HSH2D: variants seen among roughly 807,000 people sequenced by gnomAD.
HSH2D encodes the protein hematopoietic SH2 domain-containing protein.
HSH2D carries 16 observed loss-of-function variants against 21.5 expected under a neutral mutation model. The observed-to-expected ratio is 0.74, with a 90% CI of 0.50 to 1.13. The LOEUF (loss-of-function observed/expected upper bound fraction) is 1.13. Among genes scored for constraint, HSH2D ranks in the 50% most tolerant of loss-of-function variants. The probability of loss-of-function intolerance (pLI) is 0.00; values close to 1 mark genes in which losing one functional copy is unlikely to be tolerated. For missense variants in HSH2D, 418 were observed against 441.4 expected (o/e 0.95, Z 0.47); for synonymous variants, 172 against 184.7 (o/e 0.93, Z 0.56).
At chr19:16,136,739 G>A (rs2090966583) in intron 1 of HSH2D, among the ~76,000 whole-genome samples, 1 of 152,106 alleles carries the variant, frequency 6.6e-6, no homozygotes, top group South Asian at 2.1e-4. Flanking sequence ...GCACAGCTCA[G>A]GCAGAGGACC....
At chr19:16,145,205 ATT>A (rs886549937) in intron 1 of HSH2D, among the ~76,000 whole-genome samples, 3 of 149,366 alleles carry the variant, frequency 2.0e-5, no homozygotes, top group Non-Finnish European at 4.5e-5. Context: ...TAAGTTTTGT[ATT>A]TTTATTTCAT....
intron 2 of HSH2D, 106 bp from the exon 3 acceptor site, chr19:16,152,446 T>A: frequency 6.9e-6 from 4 of 583,206 alleles, no homozygotes; most frequent in South Asian, 1.0e-4. Flanking sequence ...AAAAGAAAAA[T>A]GAAAACTACC....
intron 5 of HSH2D, among the ~76,000 whole-genome samples, chr19:16,156,659 A>C (rs1467213302): frequency 6.6e-6 from 1 of 152,176 alleles, no homozygotes; most frequent in Non-Finnish European, 1.5e-5. Context: ...TACAGCCTGC[A>C]AAGTTGAAAT....
upstream of HSH2D, among the ~76,000 whole-genome samples, chr19:16,139,137 C>A (rs1002541947): frequency 6.6e-6 from 1 of 152,246 alleles, no homozygotes; most frequent in Non-Finnish European, 1.5e-5. Flanking sequence ...GGATTACAGG[C>A]ATAAGCCACA....
chr19:16,154,425 G>C lies in HSH2D; in HGVS notation c.408G>C (p.Glu136Asp). 6.4e-7 allele frequency: 1 copy of C among 1,551,738 alleles called. No individual in the cohort carries two copies. The highest frequency in any genetic ancestry group is 1.2e-5 in the South Asian group (1 of 84,064). ...AGGATCCCGCAAACGTGGATTACGA[G>C]GATCTCTTCCTCTACTCCAACGCAG... ...RQKDPANVDY[E>D]DLFLYSNAVA... Residue 136 changes from glutamate (E) to aspartate (D), a missense_variant, in exon 5 of 6, where the codon GAG (glutamate) becomes GAC (aspartate). Glu to Asp is a conservative substitution (Grantham distance 45, BLOSUM62 2). Coordinates refer to ENST00000613986, the MANE Select transcript of HSH2D (RefSeq NM_001382417.1).
chr19:16,146,488 C>T (rs987134953), intron 1 of HSH2D, among the ~76,000 whole-genome samples: 1 of 152,074 alleles, frequency 6.6e-6, no homozygotes, highest in Non-Finnish European at 1.5e-5. Context: ...CCAGACTGGA[C>T]AACAGAGCAA....
intron 4 of HSH2D, 66 bp downstream of exon 4, chr19:16,153,274 T>C: frequency 6.5e-6 from 9 of 1,388,146 alleles, no homozygotes; most frequent in Non-Finnish European, 8.5e-6. Flanking sequence ...GACCCCTTTG[T>C]TTCCCACGCC....
Position 16,134,591 on chromosome 19 carries a change from ACT to A in HSH2D, c.-324+361_-324+362del, listed in dbSNP as rs1352057597. 2.8e-5 allele frequency among the ~76,000 whole-genome samples: 4 copies of A among 143,684 alleles called. No individual in the cohort carries two copies. The East Asian group carries it at 5.9e-4, about 21-fold the overall frequency. 94.3% of individuals were successfully genotyped at this position (143,684 alleles called of 152,430 possible). ...CAGACCCAGGTCGGTTTCACCTGCC[ACT>A]CTCTATTCCAATTTGAATGTCTCAT... On this transcript the variant is annotated intron_variant, in intron 1 of 7. Transcript: ENST00000616645.
chr19:16,142,770 TTTTG>T (rs889787411), upstream of HSH2D, among the ~76,000 whole-genome samples: 25 of 140,462 alleles, frequency 1.8e-4, no homozygotes, highest in Non-Finnish European at 1.4e-4. Flanking sequence ...GCTGGTGTTT[TTTTG>T]TTTGTTTGTT....
Position 16,157,710 on chromosome 19 carries a change from G to T in HSH2D, c.975G>T (p.Glu325Asp), listed in dbSNP as rs2145067384. Residue 325 changes from glutamate (E) to aspartate (D), a missense_variant, in exon 6 of 6, where the codon GAG becomes GAT. Transcript: ENST00000613986. This position sits in a 1 kb window ranked among gnomAD's most constrained non-coding sequence, Gnocchi z 4.4. ...RALSSQESKP[E>D]HQGLAEPEND... ...TATCCTCCCAGGAGTCCAAGCCAGA[G>T]CACCAGGGCTTGGCAGAGCCTGAGA... The T allele has an allele frequency of 1.9e-6, 3 of 1,613,386 alleles. No homozygotes were observed. Among genetic ancestry groups the T allele is most frequent in the African/African-American group, 2.7e-5 (2 of 75,024 alleles).
At chr19:16,134,949 A>AC (rs2090950981) in intron 1 of HSH2D, among the ~76,000 whole-genome samples, 1 of 146,622 alleles carries the variant, frequency 6.8e-6, no homozygotes, top group African/African-American at 2.5e-5. Context: ...ACATAGTGAG[A>AC]CCCCATCTCT....
In HSH2D at chr19:16,157,477, G is replaced by A. The variant is rs761922935; in HGVS notation, c.742G>A (p.Gly248Arg). ...CACGGTGATCTCAGGCCCTGGGACC[G>A]GAAAAGGCAGCCAAGATCACTCAGG... ...RSTVISGPGT[G>R]KGSQDHSGDP... Residue 248 changes from glycine (G) to arginine (R), a missense_variant, in exon 6 of 6, where the codon GGA becomes AGA. By Grantham distance (125) the Gly-to-Arg change is moderately radical (BLOSUM62 -2). Coordinates refer to ENST00000613986, the MANE Select transcript of HSH2D (RefSeq NM_001382417.1). The surrounding 1 kb of genome is among the most constrained non-coding windows in gnomAD (Gnocchi z 4.4). The A allele has an allele frequency of 2.9e-5, 46 of 1,613,794 alleles. No individual in the cohort carries two copies. The highest frequency in any genetic ancestry group is 1.5e-4 in the African/African-American group (11 of 74,906).
intron 1 of HSH2D, chr19:16,134,261 C>T (rs2090944524): frequency 6.6e-6 from 1 of 152,212 alleles, no homozygotes; most frequent in South Asian, 2.1e-4. Context: ...TTTGTGAAAG[C>T]TAGTTGGCAG....
chr19:16,154,755 T>A (rs1236947423), intron 5 of HSH2D: 1 of 321,412 alleles, frequency 3.1e-6, no homozygotes, highest in Non-Finnish European at 5.9e-6. Context: ...CCTCGGGGTC[T>A]CTGCGTGTGC....
intron 2 of HSH2D, among the ~76,000 whole-genome samples, chr19:16,151,252 G>A (rs2091145129): frequency 6.6e-6 from 1 of 150,536 alleles, no homozygotes; most frequent in South Asian, 2.1e-4. Context: ...TTGAACCTGG[G>A]AGGCAGAGGT....
At chr19:16,140,561 C>T (rs2090993162), upstream of HSH2D, among the ~76,000 whole-genome samples, 1 of 151,990 alleles carries the variant, frequency 6.6e-6, no homozygotes, top group Admixed American at 6.6e-5. Context: ...GCCAAGATCG[C>T]ACCACTGTAC....
chr19:16,134,722 C>T (rs10409473), intron 1 of HSH2D, among the ~76,000 whole-genome samples: 382 of 152,266 alleles, frequency 2.5e-3, no homozygotes, highest in African/African-American at 8.8e-3. Context: ...ACCACCTGGA[C>T]CTCTGTGACC....
chr19:16,154,592 C>A (rs1007354228), intron 5 of HSH2D, 101 bp downstream of exon 5: 3 of 649,582 alleles, frequency 4.6e-6, no homozygotes, highest in African/African-American at 3.7e-5. Context: ...AATGAGAATG[C>A]GATCCTACAG....
chr19:16,157,093 C>T lies in HSH2D; in HGVS notation c.475-117C>T, dbSNP rs1297387640. ...GCATGGGATCAGGTTTGGGGGTTCA[C>T]ACGGGGACGTTTCTCAGCCACAGGG... On this transcript the variant is annotated intron_variant, in intron 5 of 5. Coordinates refer to ENST00000613986, the MANE Select transcript of HSH2D (RefSeq NM_001382417.1). This position sits in a 1 kb window ranked among gnomAD's most constrained non-coding sequence, Gnocchi z 4.4. 9.1e-6 allele frequency: 7 copies of T among 768,988 alleles called. No individual in the cohort carries two copies. Among genetic ancestry groups the T allele is most frequent in the Non-Finnish European group, 1.4e-5 (7 of 493,852 alleles). 47.6% of individuals were successfully genotyped at this position (768,988 alleles called of 1,614,324 possible).
Sources: gnomAD v4.1 joint callset for allele counts (sites outside exome capture counted in the v4.1 genomes callset) on GRCh38, gnomAD v4.1.1 for gene constraint, Gnocchi (gnomAD v3.1) non-coding constraint, MANE v1.5 for transcripts, NCBI Gene and HGNC (gene_info 2026-07-23, HGNC 2026-07-21) for gene names.